The following SNX9 variants were observed in gnomAD, a reference collection of about 807,000 sequenced individuals.
The protein encoded by SNX9 is sorting nexin-9.
SNX9 carries 44 observed loss-of-function variants against 89.4 expected under a neutral mutation model. That is an observed-to-expected ratio of 0.49 (90% CI 0.39 to 0.63). The LOEUF (loss-of-function observed/expected upper bound fraction) is 0.63, where lower values mean the gene tolerates loss of function less well. Among genes scored for constraint, SNX9 ranks in the 30% least tolerant of loss-of-function variants. SNX9 has a pLI of 0.00. For synonymous variants in SNX9, 236 were observed against 247.8 expected (o/e 0.95, Z 0.45); for missense variants, 578 against 736.1 (o/e 0.79, Z 2.49).
At chr6:157,866,834 G>A (rs1350080555) in intron 1 of SNX9, among the ~76,000 whole-genome samples, 1 of 152,180 alleles carries the variant, frequency 6.6e-6, no homozygotes, top group East Asian at 1.9e-4. Context: ...GTATGTCTCT[G>A]TCTTCAGTTT....
chr6:157,941,914 T>C (rs1784044135), intron 17 of SNX9, among the ~76,000 whole-genome samples: 1 of 152,244 alleles, frequency 6.6e-6, no homozygotes, highest in Non-Finnish European at 1.5e-5. Context: ...ATGCACACTT[T>C]TCCCGTCAGT....
chr6:157,894,094 C>T (rs960605000), intron 4 of SNX9, among the ~76,000 whole-genome samples: 27 of 134,872 alleles, frequency 2.0e-4, no homozygotes, highest in Non-Finnish European at 3.8e-4. Context: ...TTTTTCTTTT[C>T]GCTTTTCTTT....
At chr6:157,844,191 G>A (rs1451342006) in intron 1 of SNX9, among the ~76,000 whole-genome samples, 1 of 152,098 alleles carries the variant, frequency 6.6e-6, no homozygotes, top group Non-Finnish European at 1.5e-5. Context: ...ATTTCTTAGA[G>A]CCGATTTCTC....
chr6:157,850,664 A>G (rs766733040), intron 1 of SNX9, among the ~76,000 whole-genome samples: 3 of 152,214 alleles, frequency 2.0e-5, no homozygotes, highest in Non-Finnish European at 4.4e-5. Flanking sequence ...TCCCTTAAAC[A>G]AAAATTTGAT....
At chr6:157,907,880 G>A (rs536561344) in intron 7 of SNX9, among the ~76,000 whole-genome samples, 18 of 152,286 alleles carry the variant, frequency 1.2e-4, no homozygotes, top group African/African-American at 2.9e-4. Flanking sequence ...TGCTGCTCTC[G>A]GCCCACTCAC....
At chr6:157,895,122 T>G (rs114857086) in intron 4 of SNX9, among the ~76,000 whole-genome samples, 4,104 of 152,328 alleles carry the variant, frequency 0.027, 181 homozygotes, top group African/African-American at 0.094. Flanking sequence ...CCATCCTTGT[T>G]GACTTTGAGG....
intron 1 of SNX9, among the ~76,000 whole-genome samples, chr6:157,849,622 G>A (rs1368378233): frequency 6.6e-6 from 1 of 152,238 alleles, no homozygotes; most frequent in Non-Finnish European, 1.5e-5. Flanking sequence ...ACATGGGATG[G>A]AGAGAAGTGA....
chr6:157,825,094 A>G (rs898045938), intron 1 of SNX9, among the ~76,000 whole-genome samples: 1 of 152,174 alleles, frequency 6.6e-6, no homozygotes, highest in Non-Finnish European at 1.5e-5. Flanking sequence ...CTAAAAATAC[A>G]GAAATTAGCT....
chr6:157,840,650 A>G (rs188221092), intron 1 of SNX9, among the ~76,000 whole-genome samples: 1 of 152,306 alleles, frequency 6.6e-6, no homozygotes, highest in Admixed American at 6.5e-5. Context: ...TTAAAGCCAC[A>G]CTAGGAAAAT....
At chr6:157,893,222 C>T (rs1205863797) in intron 4 of SNX9, among the ~76,000 whole-genome samples, 1 of 152,164 alleles carries the variant, frequency 6.6e-6, no homozygotes, top group East Asian at 1.9e-4. Flanking sequence ...CCTTCATTTC[C>T]AGCGTCCACT....
chr6:157,894,719 C>G (rs1279499320), intron 4 of SNX9, among the ~76,000 whole-genome samples: 2 of 152,074 alleles, frequency 1.3e-5, no homozygotes, highest in Non-Finnish European at 2.9e-5. Context: ...AGACAAAACC[C>G]CTCAGCGTGA....
At chr6:157,930,093 G>A (rs1783778097) in intron 12 of SNX9, among the ~76,000 whole-genome samples, 2 of 152,210 alleles carry the variant, frequency 1.3e-5, no homozygotes, top group Admixed American at 1.3e-4. Context: ...GCACTTTGCA[G>A]AGGAAGTTTG....
intron 1 of SNX9, among the ~76,000 whole-genome samples, chr6:157,848,131 A>G (rs1334023262): frequency 6.6e-6 from 1 of 152,188 alleles, no homozygotes; most frequent in Non-Finnish European, 1.5e-5. Context: ...TCCTAAAACA[A>G]TGCTTCTGAG....
chr6:157,825,494 G>T (rs1019296004), intron 1 of SNX9, among the ~76,000 whole-genome samples: 2 of 152,052 alleles, frequency 1.3e-5, no homozygotes, highest in African/African-American at 4.8e-5. Flanking sequence ...TATTAATCTC[G>T]AATTGCATGT....
intron 10 of SNX9, among the ~76,000 whole-genome samples, chr6:157,926,154 A>G (rs1783687449): frequency 6.6e-6 from 1 of 152,218 alleles, no homozygotes; most frequent in African/African-American, 2.4e-5. Flanking sequence ...CATTCAAACC[A>G]TAGCAGAAAA....
intron 2 of SNX9, among the ~76,000 whole-genome samples, chr6:157,872,233 G>A (rs1782427798): frequency 6.6e-6 from 1 of 152,082 alleles, no homozygotes; most frequent in Non-Finnish European, 1.5e-5. Flanking sequence ...TCCAAGGATA[G>A]CAACTTCTAT....
rs935570077 is a variant in SNX9 at position 157,921,413 on chromosome 6, G to T, written c.950-118G>T. ...TAAAAATCTCCATGGTTTACCTTTT[G>T]CTAAATAGCTTTCTACCCAATAGCC... is the stretch of plus-strand genomic sequence containing the variant. On this transcript the variant is annotated intron_variant, in intron 9 of 17. Transcript: ENST00000392185. 8 of 1,023,750 alleles carry T rather than the reference G, an allele frequency of 7.8e-6. No individual in the cohort carries two copies. In the African/African-American group the frequency reaches 9.5e-5, roughly 12 times the overall value. The allele number at this position is 1,023,750 out of a possible 1,614,324, so 63.4% of individuals were successfully genotyped here.
At chr6:157,921,486 C>G (rs1014764462) in intron 9 of SNX9, 45 bp from the exon 10 acceptor site, 1 of 1,591,098 alleles carries the variant, frequency 6.3e-7, no homozygotes, top group Admixed American at 1.7e-5. Flanking sequence ...AACAGTCATT[C>G]ATTTTAGACA....
At chr6:157,869,792 GCA>G in intron 2 of SNX9, among the ~76,000 whole-genome samples, 1 of 152,120 alleles carries the variant, frequency 6.6e-6, no homozygotes, top group Admixed American at 6.5e-5. Flanking sequence ...ACGTGCACAG[GCA>G]CACACACGTG....
Sources: gnomAD v4.1 joint callset for allele counts (sites outside exome capture counted in the v4.1 genomes callset) on GRCh38, gnomAD v4.1.1 for gene constraint, MANE v1.5 for transcripts, NCBI Gene and HGNC (gene_info 2026-07-23, HGNC 2026-07-21) for gene names.